TRAF3IP1: variants seen among roughly 807,000 people sequenced by gnomAD.
The protein encoded by TRAF3IP1 is intraflagellar transport 54, also known as TRAF3-interacting protein 1.
In TRAF3IP1, 53 loss-of-function variants were observed where a neutral mutation model predicts 89.9. The ratio of observed to expected loss-of-function variants is 0.59; its 90% CI spans 0.47 to 0.74. The LOEUF is 0.74. Ranked by LOEUF, TRAF3IP1 falls within the 30% of genes least tolerant of loss-of-function variation. The pLI, the probability that TRAF3IP1 is intolerant of heterozygous loss-of-function variation, is 0.00. For synonymous variants in TRAF3IP1, 311 were observed against 322.1 expected, an observed-to-expected ratio of 0.97 and a Z score of 0.37; for missense variants, 806 against 866.1, an observed-to-expected ratio of 0.93 and a Z score of 0.87.
At chr2:238,336,706 A>G (rs540250097) in intron 7 of TRAF3IP1, among the ~76,000 whole-genome samples, 127 of 152,308 alleles carry the variant, frequency 8.3e-4, no homozygotes, top group African/African-American at 3.0e-3. Flanking sequence ...ACATTACATT[A>G]CAGATTAAGT....
At chr2:238,387,316 C>T (rs1700813607) in intron 15 of TRAF3IP1, among the ~76,000 whole-genome samples, 1 of 152,204 alleles carries the variant, frequency 6.6e-6, no homozygotes, top group African/African-American at 2.4e-5. Flanking sequence ...TTGGAAGGCT[C>T]CTTTTAACAG....
Position 238,397,481 on chromosome 2 carries a change from C to G in TRAF3IP1, c.1712C>G (p.Ala571Gly). The G allele has an allele frequency of 6.2e-7, 1 of 1,612,886 alleles. No homozygotes were observed. Among genetic ancestry groups the G allele is most frequent in the African/African-American group, 1.3e-5 (1 of 75,014 alleles). Residue 571 changes from alanine (A) to glycine (G), a missense_variant, in exon 16 of 17, where the codon GCA becomes GGA. This residue lies in a region of TRAF3IP1 where 732 missense variants were observed against 780.5 expected (regional missense o/e 0.94). Transcript: ENST00000373327. ...GEKERSLFESAWKKEKDIVSK... is the reference protein window; with the variant it reads ...GEKERSLFESGWKKEKDIVSK... ...TAGGAGCGATCTCTCTTTGAGTCGG[C>G]ATGGAAGAAGGAGAAGGACATCGTT...
chr2:238,339,167 CTG>C (rs1343511754), intron 8 of TRAF3IP1, among the ~76,000 whole-genome samples: 2 of 152,252 alleles, frequency 1.3e-5, no homozygotes, highest in East Asian at 1.9e-4. Flanking sequence ...CCTTCTCTCT[CTG>C]TGTGCGTTCC....
At chr2:238,333,149 T>C (rs1698211610) in intron 6 of TRAF3IP1, among the ~76,000 whole-genome samples, 2 of 151,974 alleles carry the variant, frequency 1.3e-5, no homozygotes, top group Admixed American at 6.6e-5. Flanking sequence ...ATATGACAAG[T>C]GTGATATGTG....
intron 15 of TRAF3IP1, among the ~76,000 whole-genome samples, chr2:238,356,384 C>A (rs868733267): frequency 6.2e-4 from 95 of 152,114 alleles, no homozygotes; most frequent in African/African-American, 2.2e-3. Context: ...GTAGTCCCAG[C>A]TACTTGGGGG....
intron 9 of TRAF3IP1, among the ~76,000 whole-genome samples, chr2:238,346,461 C>T (rs1225964121): frequency 6.6e-6 from 1 of 152,176 alleles, no homozygotes; most frequent in Non-Finnish European, 1.5e-5. Context: ...TCTAGAGCCT[C>T]CCGGTTCCCC....
At chr2:238,387,419 T>C (rs1011399136) in intron 15 of TRAF3IP1, among the ~76,000 whole-genome samples, 4 of 152,234 alleles carry the variant, frequency 2.6e-5, no homozygotes, top group African/African-American at 9.6e-5. Context: ...AGAAATGGCA[T>C]GGGAGTAGAG....
intron 15 of TRAF3IP1, among the ~76,000 whole-genome samples, chr2:238,357,562 A>C (rs548528162): frequency 1.4e-4 from 21 of 152,360 alleles, no homozygotes; most frequent in African/African-American, 5.1e-4. Flanking sequence ...AGCCCTTTTA[A>C]CAATAATAAC....
At chr2:238,348,906 G>A (rs1699020520) in intron 11 of TRAF3IP1, 58 bp downstream of exon 11, 2 of 1,430,122 alleles carry the variant, frequency 1.4e-6, no homozygotes, top group African/African-American at 2.8e-5. Context: ...GGACACTGCT[G>A]TGCTTCTCTT....
chr2:238,366,912 C>T (rs1699900490), intron 15 of TRAF3IP1, among the ~76,000 whole-genome samples: 2 of 151,790 alleles, frequency 1.3e-5, no homozygotes, highest in African/African-American at 4.8e-5. Flanking sequence ...ACCTGTAATC[C>T]CAGCCCTTTG....
intron 15 of TRAF3IP1, among the ~76,000 whole-genome samples, chr2:238,380,112 A>G (rs1700482179): frequency 3.3e-5 from 5 of 152,224 alleles, no homozygotes. Context: ...ACGTCTACGT[A>G]TTAGAACCAT....
In TRAF3IP1 at chr2:238,328,789, A is replaced by G; in HGVS notation, c.458A>G (p.Asn153Ser). The change falls in exon 4 of 17, where the codon AAT becomes AGT. Residue 153 changes from asparagine to serine, a missense_variant. Asn to Ser is a conservative substitution (Grantham distance 46, BLOSUM62 1). Transcript: ENST00000373327. ...TSRSQELDNK[N>S]VREEESRVHK... is the part of the protein sequence containing the mutation. The stretch of plus-strand genomic sequence containing the variant: ...AGATCTCAGGAATTGGATAATAAGA[A>G]TGTGCGAGAAGAAGAGTCCAGAGTT... The G allele has an allele frequency of 2.5e-6, 4 of 1,614,176 alleles. No individual in the cohort carries two copies. The highest frequency in any genetic ancestry group is 3.4e-6 in the Non-Finnish European group (4 of 1,180,042).
rs1185641379 is a variant in TRAF3IP1, at chr2:238,329,039, C to T, written c.612C>T (p.Ala204=). 3.9e-6 allele frequency: 6 copies of T among 1,551,050 alleles called. No individual in the cohort carries two copies. The Admixed American group carries it at 7.9e-5, about 20-fold the overall frequency. The part of the protein sequence containing the change: ...PREKDKDKEK[A]KENGGNRHRE... ...AAAAGGACAAGGACAAGGAGAAGGC[C>T]AAGGAGAATGGCGGAAACAGACACA... Residue 204 remains alanine, a synonymous_variant, in exon 5 of 17, where the codon GCC becomes GCT. Coordinates refer to ENST00000373327, the MANE Select transcript of TRAF3IP1 (RefSeq NM_015650.4).
At chr2:238,366,399 CAAAT>C (rs768220730) in intron 15 of TRAF3IP1, among the ~76,000 whole-genome samples, 15 of 151,414 alleles carry the variant, frequency 9.9e-5, no homozygotes, top group East Asian at 9.7e-4. Flanking sequence ...TCTCTATAGA[CAAAT>C]AAAGTTCATG....
chr2:238,390,478 C>G (rs564755546), intron 15 of TRAF3IP1, among the ~76,000 whole-genome samples: 16 of 152,146 alleles, frequency 1.1e-4, no homozygotes, highest in Non-Finnish European at 2.1e-4. Context: ...CTGATAATAT[C>G]TATAAATACT....
rs1450336395 is a variant in TRAF3IP1, at chr2:238,345,609, G to A, written c.1261+1011G>A. 6.6e-6 allele frequency among the ~76,000 whole-genome samples: 1 copy of A among 152,130 alleles called. No homozygotes were observed. The highest frequency in any genetic ancestry group is 2.4e-5 in the African/African-American group (1 of 41,416). The stretch of plus-strand genomic sequence containing the variant: ...TTTAAAGAGTGGCCATGTTAATTAG[G>A]GAGGGTTAAAGATTGTGCAGAGAAG... On this transcript the variant is annotated intron_variant, in intron 9 of 16. Coordinates refer to ENST00000373327, the MANE Select transcript of TRAF3IP1 (RefSeq NM_015650.4). This position sits in a 1 kb window ranked among gnomAD's most constrained non-coding sequence, Gnocchi z 4.7.
chr2:238,389,374 C>T (rs112233992), intron 15 of TRAF3IP1, among the ~76,000 whole-genome samples: 5 of 152,254 alleles, frequency 3.3e-5, no homozygotes, highest in African/African-American at 1.2e-4. Context: ...CTCCCCCTCC[C>T]AACCCTCCCG....
At chr2:238,388,047 G>C (rs947046116) in intron 15 of TRAF3IP1, among the ~76,000 whole-genome samples, 1 of 152,128 alleles carries the variant, frequency 6.6e-6, no homozygotes, top group African/African-American at 2.4e-5. Flanking sequence ...TTGCACCACT[G>C]CATTCCAGCC....
Position 238,351,866 on chromosome 2 carries a change from T to TGTGTGTGTGTGTGCGC in TRAF3IP1, c.1452-960_1452-959insTGTGTGTGTGTGCGCG, listed in dbSNP as rs1421537563. 3.9e-5 allele frequency among the ~76,000 whole-genome samples: 5 copies of TGTGTGTGTGTGTGCGC among 128,246 alleles called. No homozygotes were observed. The highest frequency in any genetic ancestry group is 1.4e-4 in the African/African-American group (4 of 29,482). The allele number at this position is 128,246 out of a possible 152,430, so 84.1% of individuals were successfully genotyped here. On this transcript the variant is annotated intron_variant, in intron 12 of 16. Transcript: ENST00000373327. The surrounding 1 kb of genome is among the most constrained non-coding windows in gnomAD (Gnocchi z 5.2). Reference sequence around the variant, plus strand: ...GTGTGTGTGTGTGTGTGTGTGTGTGTGCGCGCGCGCGCGTGTGCGTGCATG... The same window carrying TGTGTGTGTGTGTGCGC: ...GTGTGTGTGTGTGTGTGTGTGTGTGTGTGTGTGTGTGTGCGCGCGCGCGCGCGCGTGTGCGTGCATG...
Sources: allele counts gnomAD v4.1 joint callset (sites outside exome capture counted in the v4.1 genomes callset), GRCh38; gene constraint gnomAD v4.1.1; regional missense constraint gnomAD v4.1.1; non-coding constraint Gnocchi (gnomAD v3.1); transcripts MANE v1.5; gene names NCBI Gene and HGNC (gene_info 2026-07-23, HGNC 2026-07-21).